APBA2: variants seen among roughly 807,000 people sequenced by gnomAD.
APBA2 encodes amyloid beta precursor protein binding family A member 2.
A neutral mutation model predicts 75.0 loss-of-function variants in APBA2; 30 were observed. That is an observed-to-expected ratio of 0.40 (90% confidence interval 0.30 to 0.54). The LOEUF is 0.54. Among genes scored for constraint, APBA2 ranks in the 20% least tolerant of loss-of-function variants. The pLI is 0.49. For missense variants in APBA2, 801 were observed against 1,016.1 expected (o/e 0.79, Z 2.88); for synonymous variants, 444 against 409.6 (o/e 1.08, Z -1.01).
intron 3 of APBA2, among the ~76,000 whole-genome samples, chr15:29,025,440 G>A (rs1026487473): frequency 8.6e-5 from 13 of 151,178 alleles, no homozygotes; most frequent in African/African-American, 2.9e-4. Flanking sequence ...TAATTTTTTT[G>A]TAATTTTTAG....
At chr15:29,063,366 C>A (rs1232974133) in intron 4 of APBA2, among the ~76,000 whole-genome samples, 1 of 120,342 alleles carries the variant, frequency 8.3e-6, no homozygotes, top group Non-Finnish European at 1.7e-5. Flanking sequence ...GGGAGTTGAT[C>A]TGGTCAGTGT....
At chr15:28,901,620 T>C (rs920718317) in intron 1 of APBA2, among the ~76,000 whole-genome samples, 1 of 151,970 alleles carries the variant, frequency 6.6e-6, no homozygotes. Context: ...TTATTGCACC[T>C]GGGGGAGGGT....
intron 4 of APBA2, among the ~76,000 whole-genome samples, chr15:29,059,886 G>A (rs2042056958): frequency 6.6e-6 from 1 of 152,204 alleles, no homozygotes; most frequent in Admixed American, 6.5e-5. Flanking sequence ...TCACACACAA[G>A]TAGCATAAAG....
intron 14 of APBA2, among the ~76,000 whole-genome samples, chr15:29,115,352 G>T (rs1276221715): frequency 6.6e-6 from 1 of 152,140 alleles, no homozygotes; most frequent in African/African-American, 2.4e-5. Context: ...AGGGTCGGCT[G>T]GGAGCTGGGA....
intron 2 of APBA2, among the ~76,000 whole-genome samples, chr15:28,960,227 G>GAGGC (rs2036394382): frequency 6.6e-6 from 1 of 151,094 alleles, no homozygotes; most frequent in East Asian, 2.0e-4. Context: ...TCAGGAAGCA[G>GAGGC]AGGCAGGAGT....
At chr15:29,085,429 A>G (rs895792196) in intron 6 of APBA2, among the ~76,000 whole-genome samples, 2 of 151,452 alleles carry the variant, frequency 1.3e-5, no homozygotes, top group Non-Finnish European at 2.9e-5. Context: ...GGAGGCTGAG[A>G]CAGGAGAATG....
At chr15:29,083,793 A>G (rs760466537) in intron 6 of APBA2, among the ~76,000 whole-genome samples, 2 of 152,132 alleles carry the variant, frequency 1.3e-5, no homozygotes, top group Non-Finnish European at 2.9e-5. Flanking sequence ...AGCCTCCCAA[A>G]GTGCTGGGAT....
chr15:29,048,633 T>C (rs1350081365), intron 3 of APBA2, among the ~76,000 whole-genome samples: 2 of 152,028 alleles, frequency 1.3e-5, no homozygotes, highest in Non-Finnish European at 2.9e-5. Flanking sequence ...TCTAAGTTTA[T>C]GTAAGAATTT....
chr15:29,070,442 C>T (rs1251526192), intron 4 of APBA2, among the ~76,000 whole-genome samples: 1 of 152,134 alleles, frequency 6.6e-6, no homozygotes, highest in East Asian at 1.9e-4. Flanking sequence ...TGTGTCTTGT[C>T]GTGATACTTT....
At chr15:29,053,696 C>T (rs549383675) in intron 3 of APBA2, 149 bp from the exon 4 acceptor site, 28 of 605,998 alleles carry the variant, frequency 4.6e-5, no homozygotes, top group Admixed American at 8.7e-5. Context: ...GATGAGTTAG[C>T]GGGGGTGGGG....
At chr15:28,967,693 C>T (rs61401994) in intron 2 of APBA2, among the ~76,000 whole-genome samples, 3,842 of 152,294 alleles carry the variant, frequency 0.025, 164 homozygotes, top group East Asian at 0.17. Context: ...CCGCCTCGGC[C>T]TCCCAAAGTG....
At chr15:28,972,140 G>A (rs2037102192) in intron 2 of APBA2, among the ~76,000 whole-genome samples, 3 of 152,152 alleles carry the variant, frequency 2.0e-5, no homozygotes, top group South Asian at 4.1e-4. Context: ...GTTCCCCAAA[G>A]GGATAGTAGT....
intron 2 of APBA2, among the ~76,000 whole-genome samples, chr15:28,935,256 C>T (rs778997618): frequency 6.6e-5 from 10 of 152,228 alleles, no homozygotes; most frequent in Admixed American, 2.6e-4. Flanking sequence ...ATCCGATGCA[C>T]CTCGTGGCCC....
Position 29,055,053 on chromosome 15 carries a change from G to A in APBA2, c.951+218G>A, listed in dbSNP as rs183086281. ...ACCGCTCAGACTCAGGACTAAAGCC[G>A]GTTGAGGGCTGAGTGGCAACTCGTG... On this transcript the variant is annotated intron_variant, in intron 4 of 14. Coordinates refer to ENST00000683413, the MANE Select transcript of APBA2 (RefSeq NM_001353788.2). Among the ~76,000 whole-genome samples, 271 of 152,334 alleles carry A rather than the reference G, an allele frequency of 1.8e-3. 1 individual carries two copies. The highest frequency in any genetic ancestry group is 6.2e-3 in the African/African-American group (256 of 41,578).
intron 1 of APBA2, among the ~76,000 whole-genome samples, chr15:28,895,933 G>A (rs1034773451): frequency 1.3e-5 from 2 of 152,092 alleles, no homozygotes; most frequent in African/African-American, 4.8e-5. Flanking sequence ...GTAACGTAAG[G>A]AGACCCCATC....
intron 3 of APBA2, among the ~76,000 whole-genome samples, chr15:29,027,213 G>A (rs957470861): frequency 2.6e-5 from 4 of 152,156 alleles, no homozygotes; most frequent in Admixed American, 6.5e-5. Flanking sequence ...TTTTTGAGAT[G>A]TGACATCATG....
At chr15:28,984,960 A>G (rs1027709615) in intron 2 of APBA2, among the ~76,000 whole-genome samples, 2 of 148,958 alleles carry the variant, frequency 1.3e-5, no homozygotes, top group African/African-American at 5.0e-5. Context: ...TCCGCCAACC[A>G]CTGCCGTCTC....
intron 2 of APBA2, among the ~76,000 whole-genome samples, chr15:28,953,221 A>G (rs768074400): frequency 1.3e-5 from 2 of 152,130 alleles, no homozygotes; most frequent in African/African-American, 4.8e-5. Context: ...CGAGTTGGAA[A>G]TAATGTATAG....
chr15:29,018,315 A>G (rs2039780468), intron 3 of APBA2, among the ~76,000 whole-genome samples: 1 of 152,164 alleles, frequency 6.6e-6, no homozygotes, highest in African/African-American at 2.4e-5. Context: ...CGTGCAGCGA[A>G]ACCACTCTGC....
Sources: gnomAD v4.1 joint callset for allele counts (sites outside exome capture counted in the v4.1 genomes callset) on GRCh38, gnomAD v4.1.1 for gene constraint, MANE v1.5 for transcripts, NCBI Gene and HGNC (gene_info 2026-07-23, HGNC 2026-07-21) for gene names.